FOXN3: variants seen among roughly 807,000 people sequenced by gnomAD.
FOXN3 encodes forkhead box protein N3.
Under a neutral mutation model 38.4 loss-of-function variants are expected in FOXN3, and 7 were observed. The observed-to-expected ratio is 0.18, with a 90% confidence interval of 0.10 to 0.34. FOXN3 has a LOEUF of 0.34. FOXN3 is among the 10% of genes least tolerant of loss of function. FOXN3 has a pLI of 1.00. For missense variants in FOXN3, 456 were observed against 613.4 expected (o/e 0.74, Z 2.71); for synonymous variants, 230 against 242.2 (o/e 0.95, Z 0.47).
chr14:89,177,433 A>G (rs1168241262), intron 5 of FOXN3, among the ~76,000 whole-genome samples: 1 of 152,130 alleles, frequency 6.6e-6, no homozygotes, highest in Non-Finnish European at 1.5e-5. Flanking sequence ...TCACTCCTTA[A>G]TTAGACTATA....
rs1282149306 is a variant in FOXN3 at position 89,159,100 on chromosome 14, G to C, written c.*3314C>G. ...AAGCAAAATATTCTTTCACAAATAG[G>C]CTTGTGCTTAAATTCTCTACTGCTC... On this transcript the variant is annotated 3_prime_UTR_variant, in exon 6 of 6. Transcript: ENST00000557258. 1 of 152,626 alleles carries C rather than the reference G, an allele frequency of 6.6e-6. No individual in the cohort carries two copies. Among genetic ancestry groups the C allele is most frequent in the African/African-American group, 2.4e-5 (1 of 41,450 alleles). 9.5% of individuals were successfully genotyped at this position (152,626 alleles called of 1,614,324 possible).
intron 3 of FOXN3, among the ~76,000 whole-genome samples, chr14:89,317,336 G>A (rs895537011): frequency 6.6e-6 from 1 of 152,120 alleles, no homozygotes; most frequent in African/African-American, 2.4e-5. Flanking sequence ...CACTTCCTGC[G>A]ATGTTTTAGA....
Position 89,217,146 on chromosome 14 carries a change from C to T in FOXN3, c.746-36340G>A, listed in dbSNP as rs960240526. ...GAGATCTCAAAATGTTTTTTTGGTT[C>T]GTTTTTGAGACAGGGTCTCACTCTG... On this transcript the variant is annotated intron_variant, in intron 4 of 5. Transcript: ENST00000557258. 1.2e-4 allele frequency among the ~76,000 whole-genome samples: 18 copies of T among 151,824 alleles called. No individual in the cohort carries two copies. The South Asian group carries it at 3.1e-3, about 26-fold the overall frequency.
At chr14:89,464,774 T>C (rs1243847648) in intron 1 of FOXN3, among the ~76,000 whole-genome samples, 1 of 152,180 alleles carries the variant, frequency 6.6e-6, no homozygotes, top group East Asian at 1.9e-4. Flanking sequence ...CTCAGCTCAC[T>C]GCAACCTCCA....
At chr14:89,408,728 A>G (rs1891455784) in intron 2 of FOXN3, among the ~76,000 whole-genome samples, 2 of 151,928 alleles carry the variant, frequency 1.3e-5, no homozygotes, top group African/African-American at 4.8e-5. Flanking sequence ...CACTTTCAGA[A>G]GAAAATTAAA....
chr14:89,455,655 C>T (rs561301817), intron 1 of FOXN3, among the ~76,000 whole-genome samples: 6 of 152,130 alleles, frequency 3.9e-5, no homozygotes, highest in African/African-American at 1.2e-4. Flanking sequence ...GACAGCAGGG[C>T]GGGACCGGAC....
rs1887025867 is a variant in FOXN3, at chr14:89,295,942, A to G, written c.681-14928T>C. ...TATAAACATAATTAAATCTCTCACAAAGAAACTAGCCTATAGTAACACATC... is the reference window on the plus strand; with the variant it reads ...TATAAACATAATTAAATCTCTCACAGAGAAACTAGCCTATAGTAACACATC... On this transcript the variant is annotated intron_variant, in intron 3 of 5. Transcript: ENST00000557258. Among the ~76,000 whole-genome samples, 3 of 151,964 alleles carry G rather than the reference A, an allele frequency of 2.0e-5. No individual in the cohort carries two copies. In the South Asian group the frequency reaches 6.2e-4, roughly 32 times the overall value.
chr14:89,283,068 A>G (rs1270467312), intron 3 of FOXN3, among the ~76,000 whole-genome samples: 2 of 152,160 alleles, frequency 1.3e-5, no homozygotes, highest in Non-Finnish European at 2.9e-5. Flanking sequence ...TGATGAATTC[A>G]CAAGTGGTCT....
chr14:89,287,706 T>A (rs1432318049), intron 3 of FOXN3, among the ~76,000 whole-genome samples: 1 of 138,796 alleles, frequency 7.2e-6, no homozygotes, highest in African/African-American at 2.7e-5. Flanking sequence ...TTACTAAATA[T>A]CCAAGAAGCA....
At chr14:89,458,517 A>G (rs1412173334) in intron 1 of FOXN3, among the ~76,000 whole-genome samples, 1 of 152,218 alleles carries the variant, frequency 6.6e-6, no homozygotes, top group East Asian at 1.9e-4. Context: ...AGTATTTTAC[A>G]ATGCAGTTCT....
intron 3 of FOXN3, among the ~76,000 whole-genome samples, chr14:89,305,063 C>A (rs762505738): frequency 6.6e-6 from 1 of 151,830 alleles, no homozygotes; most frequent in African/African-American, 2.4e-5. Context: ...ATTCATTTTA[C>A]GAAGTTGTCC....
intron 2 of FOXN3, among the ~76,000 whole-genome samples, chr14:89,378,021 T>C (rs1890533111): frequency 6.6e-6 from 1 of 152,220 alleles, no homozygotes; most frequent in Non-Finnish European, 1.5e-5. Context: ...ACCTTGATCT[T>C]GGACTTCCAA....
At chr14:89,464,631 G>A (rs895933025) in intron 1 of FOXN3, among the ~76,000 whole-genome samples, 1 of 152,130 alleles carries the variant, frequency 6.6e-6, no homozygotes, top group African/African-American at 2.4e-5. Flanking sequence ...TGTGTCACGG[G>A]AGGGACCAAG....
At chr14:89,529,362 A>G (rs1296116227) in intron 1 of FOXN3, among the ~76,000 whole-genome samples, 1 of 152,254 alleles carries the variant, frequency 6.6e-6, no homozygotes, top group Non-Finnish European at 1.5e-5. Flanking sequence ...GGCACACAAC[A>G]GAAGTATAAA....
chr14:89,216,571 T>C (rs1358174770), intron 4 of FOXN3, among the ~76,000 whole-genome samples: 2 of 152,156 alleles, frequency 1.3e-5, no homozygotes, highest in Non-Finnish European at 2.9e-5. Context: ...AGGCCCCTTT[T>C]TCCTTCTAAG....
At chr14:89,273,002 G>A (rs543582921) in intron 4 of FOXN3, among the ~76,000 whole-genome samples, 1 of 152,320 alleles carries the variant, frequency 6.6e-6, no homozygotes, top group African/African-American at 2.4e-5. Context: ...CCTTCTTTGT[G>A]AAACTCTGCA....
At position 89,166,994 on chromosome 14, in the gene FOXN3, ATG is replaced by A. The variant is rs572042259; in HGVS notation, c.852-4027_852-4026del. Among the ~76,000 whole-genome samples the A allele has an allele frequency of 2.7e-3, 414 of 152,368 alleles. 2 individuals are homozygous for A. Among genetic ancestry groups the A allele is most frequent in the Non-Finnish European group, 4.8e-3 (328 of 68,038 alleles). ...TTAAAAATCATTCATTAAAGTGAAC[ATG>A]TGATACATCCGAAATGCCTGCAATT... On this transcript the variant is annotated intron_variant, in intron 5 of 5. Coordinates refer to ENST00000557258, the MANE Select transcript of FOXN3 (RefSeq NM_005197.4).
chr14:89,306,286 C>G (rs547736793), intron 3 of FOXN3, among the ~76,000 whole-genome samples: 1 of 151,676 alleles, frequency 6.6e-6, no homozygotes, highest in Non-Finnish European at 1.5e-5. Flanking sequence ...GCTGAAGAAA[C>G]AGAAAAGCTC....
chr14:89,424,802 T>C (rs775166625), intron 1 of FOXN3, among the ~76,000 whole-genome samples: 1 of 151,982 alleles, frequency 6.6e-6, no homozygotes, highest in Non-Finnish European at 1.5e-5. Flanking sequence ...GGAGGTTCAC[T>C]TGAGCCCTGG....
Sources: gnomAD v4.1 joint callset for allele counts (sites outside exome capture counted in the v4.1 genomes callset) on GRCh38, gnomAD v4.1.1 for gene constraint, MANE v1.5 for transcripts, NCBI Gene and HGNC (gene_info 2026-07-23, HGNC 2026-07-21) for gene names.